Variants in DEF8 observed in about 807,000 individuals in gnomAD.
DEF8 encodes the protein DEF-8.
A neutral mutation model predicts 59.1 loss-of-function variants in DEF8; 38 were observed. The observed-to-expected ratio is 0.64, with a 90% CI of 0.50 to 0.84. The LOEUF (loss-of-function observed/expected upper bound fraction) is 0.84, where lower values mean the gene tolerates loss of function less well. Ranked by LOEUF, DEF8 falls within the 40% of genes least tolerant of loss-of-function variation. The probability of loss-of-function intolerance (pLI) is 0.00; values close to 1 mark genes in which losing one functional copy is unlikely to be tolerated. For missense variants in DEF8, 557 were observed against 615.2 expected, an observed-to-expected ratio of 0.91 and a Z score of 1.00; for synonymous variants, 265 against 250.1, an observed-to-expected ratio of 1.06 and a Z score of -0.56.
At chr16:89,949,001 G>A (rs1292008944) in intron 1 of DEF8, among the ~76,000 whole-genome samples, 187 bp downstream of exon 1, 1 of 73,684 alleles carries the variant, frequency 1.4e-5, no homozygotes, top group Non-Finnish European at 2.6e-5. Flanking sequence ...GGGGCCGGCG[G>A]GGTCGGGGCT....
chr16:89,955,371 G>C lies in DEF8; in HGVS notation c.222+105G>C, dbSNP rs2032986410. The stretch of plus-strand genomic sequence containing the variant: ...CTCCCAGGTGGCAGGGCAGTGTCCT[G>C]TGAGCTGGGGTACAGTCTCACTCCA... On this transcript the variant is annotated intron_variant, in intron 4 of 12. Coordinates refer to ENST00000563594, the MANE Select transcript of DEF8 (RefSeq NM_001242818.2). 2.7e-5 allele frequency: 24 copies of C among 896,506 alleles called. No individual in the cohort carries two copies. In the South Asian group the frequency reaches 3.1e-4, roughly 12 times the overall value. 55.5% of individuals were successfully genotyped at this position (896,506 alleles called of 1,614,324 possible).
chr16:89,953,725 C>T (rs2032621524), intron 2 of DEF8, among the ~76,000 whole-genome samples: 1 of 152,190 alleles, frequency 6.6e-6, no homozygotes, highest in Non-Finnish European at 1.5e-5. Flanking sequence ...AAGTGTCCAA[C>T]CCTAAGTCCT....
chr16:89,965,113 T>G (rs1382914097), intron 12 of DEF8, among the ~76,000 whole-genome samples: 1 of 152,248 alleles, frequency 6.6e-6, no homozygotes, highest in East Asian at 1.9e-4. Context: ...CAAACAACTT[T>G]ATAAGTATTT....
Position 89,965,855 on chromosome 16 carries a change from C to G in DEF8, c.1254-6C>G. On this transcript the variant is annotated splice_polypyrimidine_tract_variant and splice_region_variant and intron_variant, in intron 12 of 12. Coordinates refer to ENST00000563594, the MANE Select transcript of DEF8 (RefSeq NM_001242818.2). ...GCAGAGAGCCCCGACCTCTTTCTGCCCCCAGGGACTGCTACTACGACAACT... is the reference window on the plus strand; with the variant it reads ...GCAGAGAGCCCCGACCTCTTTCTGCGCCCAGGGACTGCTACTACGACAACT... The G allele has an allele frequency of 1.9e-6, 3 of 1,608,392 alleles. No homozygotes were observed. Among genetic ancestry groups the G allele is most frequent in the African/African-American group, 1.3e-5 (1 of 74,782 alleles).
Position 89,966,075 on chromosome 16 carries a change from A to C in DEF8, c.*112A>C. The C allele has an allele frequency of 1.3e-6, 1 of 778,336 alleles. No individual in the cohort carries two copies. Among genetic ancestry groups the C allele is most frequent in the Non-Finnish European group, 2.0e-6 (1 of 487,934 alleles). 48.2% of individuals were successfully genotyped at this position (778,336 alleles called of 1,614,324 possible). A position where few individuals can be genotyped will look rare whatever the true frequency, so the allele number is the denominator to read the frequency against. Reference sequence around the variant, plus strand: ...CTGGGGTGCGGCCCTGGCCCCCTCCACCCCTGCTGGGCCAGAGCGGGTGGG... The same window carrying C: ...CTGGGGTGCGGCCCTGGCCCCCTCCCCCCCTGCTGGGCCAGAGCGGGTGGG... On this transcript the variant is annotated 3_prime_UTR_variant, in exon 13 of 13. Coordinates refer to ENST00000563594, the MANE Select transcript of DEF8 (RefSeq NM_001242818.2).
chr16:89,957,769 C>G, intron 5 of DEF8, 109 bp downstream of exon 5: 1 of 1,352,408 alleles, frequency 7.4e-7, no homozygotes. Flanking sequence ...TGGTCTCTCT[C>G]TCGGCCTCAG....
At chr16:89,965,416 C>T (rs1468035625) in intron 12 of DEF8, among the ~76,000 whole-genome samples, 1 of 152,218 alleles carries the variant, frequency 6.6e-6, no homozygotes, top group African/African-American at 2.4e-5. Context: ...AGACTGAACT[C>T]GCTCGAGCTA....
At chr16:89,965,689 C>T (rs1597541437) in intron 12 of DEF8, among the ~76,000 whole-genome samples, 172 bp from the exon 13 acceptor site, 1 of 152,116 alleles carries the variant, frequency 6.6e-6, no homozygotes, top group Non-Finnish European at 1.5e-5. Flanking sequence ...CATCTGCACG[C>T]CCGTAAGCGC....
chr16:89,963,305 A>T (rs555796873), intron 9 of DEF8, 58 bp from the exon 10 acceptor site: 1 of 1,512,474 alleles, frequency 6.6e-7, no homozygotes, highest in African/African-American at 1.4e-5. Context: ...TGCGGCCCAC[A>T]CAGGGGCCGC....
chr16:89,950,333 G>A (rs1054493662), intron 2 of DEF8: 2 of 985,310 alleles, frequency 2.0e-6, no homozygotes, highest in Middle Eastern at 5.2e-4. Flanking sequence ...CAGAAAGTAG[G>A]TGTTCCCCCT....
In DEF8 at chr16:89,961,228, G is replaced by A. The variant is rs2033983252; in HGVS notation, c.679+133G>A. On this transcript the variant is annotated intron_variant, in intron 7 of 12. Coordinates refer to ENST00000563594, the MANE Select transcript of DEF8 (RefSeq NM_001242818.2). ...GGCAGTGCCTGCTTGATATCTTTAG[G>A]AAGTGACAAGGGTCTGTTGCTGCCA... 3.3e-6 allele frequency: 4 copies of A among 1,206,678 alleles called. No individual in the cohort carries two copies. In the East Asian group the frequency reaches 9.9e-5, roughly 30 times the overall value. 74.7% of individuals were successfully genotyped at this position (1,206,678 alleles called of 1,614,324 possible). A position where few individuals can be genotyped will look rare whatever the true frequency, so the allele number is the denominator to read the frequency against.
chr16:89,952,463 C>G (rs1474975280), intron 2 of DEF8: 2 of 152,362 alleles, frequency 1.3e-5, no homozygotes, highest in Admixed American at 6.5e-5. Flanking sequence ...CTGATCTTCT[C>G]AAGCCGAGGG....
At chr16:89,949,781 G>C (rs2031641700) in intron 2 of DEF8, 4 of 835,034 alleles carry the variant, frequency 4.8e-6, no homozygotes, top group South Asian at 1.8e-5. Context: ...GAGGGGCAGG[G>C]GGTGGCCAGA....
At chr16:89,950,225 G>A in intron 2 of DEF8, 1 of 986,022 alleles carries the variant, frequency 1.0e-6, no homozygotes, top group Non-Finnish European at 1.2e-6. Flanking sequence ...TCCTGGGCTG[G>A]TCACCATATG....
In DEF8 at chr16:89,954,945, C is replaced by G. The variant is rs2032889607; in HGVS notation, c.125-224C>G. ...TTGGCACCGAGTGTCATTCCACCTC[C>G]TCATTTTGAGTGGCTCTTTCCTGTC... On this transcript the variant is annotated intron_variant, in intron 3 of 12. Transcript: ENST00000563594. The surrounding 1 kb of genome is among the most constrained non-coding windows in gnomAD (Gnocchi z 4.3). Among the ~76,000 whole-genome samples, 1 of 152,170 alleles carries G rather than the reference C, an allele frequency of 6.6e-6. No individual in the cohort carries two copies. The highest frequency in any genetic ancestry group is 2.1e-4 in the South Asian group (1 of 4,832).
At chr16:89,958,942 G>C in intron 5 of DEF8, 72 bp from the exon 6 acceptor site, 1 of 1,575,288 alleles carries the variant, frequency 6.3e-7, no homozygotes, top group South Asian at 1.1e-5. Context: ...AATAAGTTGA[G>C]GGGCTTGTGC....
intron 5 of DEF8, chr16:89,958,254 C>G (rs936709418): frequency 6.6e-6 from 1 of 152,382 alleles, no homozygotes; most frequent in African/African-American, 2.4e-5. Context: ...TGCCCGCCCA[C>G]TGACCCAATG....
chr16:89,948,891 C>T lies in DEF8; in HGVS notation c.-108+77C>T, dbSNP rs1321756848. On this transcript the variant is annotated intron_variant, in intron 1 of 12. Coordinates refer to ENST00000563594, the MANE Select transcript of DEF8 (RefSeq NM_001242818.2). ...GGGACGGGGCCGGCGGGGACGGGGT[C>T]GGCGGGGTCGGGGCTGGGAGGGACG... The T allele has an allele frequency of 7.9e-5, 5 of 63,344 alleles. 1 individual carries two copies. Among genetic ancestry groups the T allele is most frequent in the African/African-American group, 7.2e-4 (5 of 6,956 alleles). The allele number at this position is 63,344 out of a possible 1,614,324, so 3.9% of individuals were successfully genotyped here.
chr16:89,957,896 G>C (rs756554491), intron 5 of DEF8: 8 of 415,424 alleles, frequency 1.9e-5, no homozygotes, highest in Non-Finnish European at 3.0e-5. Context: ...ACTCAACCCT[G>C]AGTAGCTTAA....
Sources: allele counts gnomAD v4.1 joint callset (sites outside exome capture counted in the v4.1 genomes callset), GRCh38; gene constraint gnomAD v4.1.1; non-coding constraint Gnocchi (gnomAD v3.1); transcripts MANE v1.5; gene names NCBI Gene and HGNC (gene_info 2026-07-23, HGNC 2026-07-21).